The following KIAA1217 variants were observed in gnomAD, a reference collection of about 807,000 sequenced individuals.
KIAA1217 encodes the protein sickle tail protein homolog.
In KIAA1217, 88 loss-of-function variants were observed where a neutral mutation model predicts 163.9. That is an observed-to-expected ratio of 0.54 (90% confidence interval 0.45 to 0.64). The LOEUF (loss-of-function observed/expected upper bound fraction) is 0.64. Ranked by LOEUF, KIAA1217 falls within the 30% of genes least tolerant of loss-of-function variation. The pLI is 0.00. For missense variants in KIAA1217, 2,372 were observed against 2,475.0 expected (o/e 0.96, Z 0.88); for synonymous variants, 903 against 923.1 (o/e 0.98, Z 0.39).
chr10:23,916,588 G>A (rs1016198978), intron 1 of KIAA1217, among the ~76,000 whole-genome samples: 7 of 152,108 alleles, frequency 4.6e-5, no homozygotes, highest in Non-Finnish European at 1.0e-4. Flanking sequence ...AAATATGAAA[G>A]TATTTCCTTG....
At chr10:24,092,977 C>T (rs1185983144) in intron 2 of KIAA1217, among the ~76,000 whole-genome samples, 3 of 149,592 alleles carry the variant, frequency 2.0e-5, no homozygotes, top group African/African-American at 2.5e-5. Flanking sequence ...GATGTAGAGG[C>T]ACCCCAAAAT....
At chr10:24,520,687 C>CAAAA (rs71472810) in intron 11 of KIAA1217, among the ~76,000 whole-genome samples, 4 of 81,496 alleles carry the variant, frequency 4.9e-5, no homozygotes, top group African/African-American at 1.6e-4. Flanking sequence ...CACACACACA[C>CAAAA]AAAAAAAAAT....
chr10:23,799,564 A>G (rs1054813894), intron 1 of KIAA1217, among the ~76,000 whole-genome samples: 2 of 152,140 alleles, frequency 1.3e-5, no homozygotes, highest in Admixed American at 1.3e-4. Context: ...TTCTACCAAC[A>G]TGGGATTTGG....
intron 1 of KIAA1217, among the ~76,000 whole-genome samples, chr10:24,003,423 CT>C (rs1009556311): frequency 1.1e-4 from 17 of 151,858 alleles, no homozygotes; most frequent in Non-Finnish European, 2.1e-4. Context: ...TGATGTTGAG[CT>C]TTTTTTTATG....
intron 17 of KIAA1217, among the ~76,000 whole-genome samples, chr10:24,541,765 T>C (rs2075128091): frequency 6.6e-6 from 1 of 152,220 alleles, no homozygotes; most frequent in Non-Finnish European, 1.5e-5. Flanking sequence ...CTCCTGAATC[T>C]TGGTGAGACC....
At chr10:24,267,395 C>T (rs554622051) in intron 2 of KIAA1217, among the ~76,000 whole-genome samples, 1 of 152,246 alleles carries the variant, frequency 6.6e-6, no homozygotes, top group East Asian at 1.9e-4. Flanking sequence ...AGAGTTCTCC[C>T]AAGGTAAGGG....
intron 1 of KIAA1217, among the ~76,000 whole-genome samples, chr10:23,790,453 A>G (rs1238706762): frequency 9.4e-6 from 1 of 105,852 alleles, no homozygotes; most frequent in Non-Finnish European, 1.7e-5. Context: ...ACATATATAC[A>G]TGTGCATATA....
At chr10:24,334,147 T>G (rs192555664) in intron 2 of KIAA1217, among the ~76,000 whole-genome samples, 3 of 152,210 alleles carry the variant, frequency 2.0e-5, no homozygotes, top group Non-Finnish European at 2.9e-5. Flanking sequence ...ATATTTGAGT[T>G]TGGACTCAAA....
At chr10:24,240,466 G>T (rs970984845) in intron 2 of KIAA1217, among the ~76,000 whole-genome samples, 1 of 152,230 alleles carries the variant, frequency 6.6e-6, no homozygotes, top group African/African-American at 2.4e-5. Flanking sequence ...AGATAATGTG[G>T]ATTAATGCCA....
intron 1 of KIAA1217, among the ~76,000 whole-genome samples, chr10:23,789,056 T>C (rs1054584841): frequency 3.3e-5 from 5 of 152,246 alleles, no homozygotes; most frequent in African/African-American, 1.2e-4. Flanking sequence ...CTATAATTCT[T>C]AATAAAATTT....
chr10:24,472,203 C>T (rs1327226946), intron 5 of KIAA1217, among the ~76,000 whole-genome samples: 1 of 152,272 alleles, frequency 6.6e-6, no homozygotes, highest in Admixed American at 6.5e-5. Context: ...AAGGGCTTGG[C>T]CTTGCTCTCT....
intron 2 of KIAA1217, chr10:24,158,484 G>T (rs2064979281): frequency 1.9e-6 from 1 of 530,666 alleles, no homozygotes; most frequent in Admixed American, 2.0e-5. Context: ...AGTCTAAACT[G>T]CAGGCTCGGA....
At chr10:24,404,438 G>A (rs1053290456) in intron 3 of KIAA1217, among the ~76,000 whole-genome samples, 3 of 151,940 alleles carry the variant, frequency 2.0e-5, no homozygotes, top group Non-Finnish European at 4.4e-5. Flanking sequence ...ATGGTGGTGT[G>A]TGCCTATAAT....
At chr10:23,793,893 C>G (rs959325609) in intron 1 of KIAA1217, among the ~76,000 whole-genome samples, 1 of 152,124 alleles carries the variant, frequency 6.6e-6, no homozygotes, top group Non-Finnish European at 1.5e-5. Flanking sequence ...GACCTTTTCT[C>G]CCTACGGTTC....
chr10:23,774,133 C>T (rs1443946184), intron 1 of KIAA1217, among the ~76,000 whole-genome samples: 2 of 152,102 alleles, frequency 1.3e-5, no homozygotes, highest in African/African-American at 4.8e-5. Flanking sequence ...AGATATGTCC[C>T]ATCAATACCT....
At chr10:24,068,700 C>G (rs372987012) in intron 2 of KIAA1217, among the ~76,000 whole-genome samples, 7 of 152,254 alleles carry the variant, frequency 4.6e-5, no homozygotes, top group Admixed American at 2.6e-4. Context: ...TTTAGTGGCC[C>G]ACAGGTGTCC....
At chr10:24,519,994 A>T in intron 10 of KIAA1217, 129 bp from the exon 11 acceptor site, 1 of 1,054,300 alleles carries the variant, frequency 9.5e-7, no homozygotes, top group Non-Finnish European at 1.4e-6. Context: ...CACCACCACC[A>T]CACGAAAGGC....
At chr10:24,101,280 A>G (rs2062404224) in intron 2 of KIAA1217, among the ~76,000 whole-genome samples, 1 of 152,194 alleles carries the variant, frequency 6.6e-6, no homozygotes, top group Admixed American at 6.5e-5. Flanking sequence ...GCCACACGGT[A>G]TTGGCACAAG....
At chr10:23,920,071 A>G (rs1032050488) in intron 1 of KIAA1217, among the ~76,000 whole-genome samples, 1 of 152,094 alleles carries the variant, frequency 6.6e-6, no homozygotes, top group East Asian at 1.9e-4. Flanking sequence ...GAAGTCATTG[A>G]CCCTTTGCTC....
Sources: gnomAD v4.1 joint callset for allele counts (sites outside exome capture counted in the v4.1 genomes callset) on GRCh38, gnomAD v4.1.1 for gene constraint, MANE v1.5 for transcripts, NCBI Gene and HGNC (gene_info 2026-07-23, HGNC 2026-07-21) for gene names.